KHDRBS2: variants seen among roughly 807,000 people sequenced by gnomAD.
KHDRBS2 encodes the protein KH RNA binding domain containing, signal transduction associated 2.
A neutral mutation model predicts 44.3 loss-of-function variants in KHDRBS2; 26 were observed. That is an observed-to-expected ratio of 0.59 (90% CI 0.43 to 0.81). The LOEUF (loss-of-function observed/expected upper bound fraction) is 0.81, where lower values mean the gene tolerates loss of function less well. Ranked by LOEUF, KHDRBS2 falls within the 40% of genes least tolerant of loss-of-function variation. The probability of loss-of-function intolerance (pLI) is 0.00; values close to 1 mark genes in which losing one functional copy is unlikely to be tolerated. For missense variants in KHDRBS2, 476 were observed against 433.1 expected, an observed-to-expected ratio of 1.10 and a Z score of -0.88; for synonymous variants, 194 against 151.1, an observed-to-expected ratio of 1.28 and a Z score of -2.08.
At chr6:62,089,622 A>C (rs919124040) in intron 2 of KHDRBS2, among the ~76,000 whole-genome samples, 25 of 149,412 alleles carry the variant, frequency 1.7e-4, no homozygotes, top group Non-Finnish European at 3.3e-4. Flanking sequence ...AAATCACCCA[A>C]CTTCTGCATT....
chr6:61,574,340 G>C, the KHDRBS2 span: 9 of 1,528,680 alleles, frequency 5.9e-6, no homozygotes, highest in East Asian at 4.9e-5. Flanking sequence ...GGCTCGACGA[G>C]GTTTCAGCTG....
At chr6:61,992,863 C>G (rs1250824648) in intron 3 of KHDRBS2, among the ~76,000 whole-genome samples, 1 of 152,086 alleles carries the variant, frequency 6.6e-6, no homozygotes, top group African/African-American at 2.4e-5. Flanking sequence ...CCCTTTCTAT[C>G]CTTTATTTTT....
Position 61,865,120 on chromosome 6 carries a change from G to T in KHDRBS2, c.810+29515C>A, listed in dbSNP as rs184414887. 1.5e-3 allele frequency among the ~76,000 whole-genome samples: 234 copies of T among 152,238 alleles called. 1 individual carries two copies. The highest frequency in any genetic ancestry group is 5.0e-3 in the African/African-American group (208 of 41,542). ...TGTAGTGTGTTTTTCGGCTCTGTCA[G>T]GTCAGTTATGTTCCTCTTTATACTC... On this transcript the variant is annotated intron_variant, in intron 6 of 8. Coordinates refer to ENST00000281156, the MANE Select transcript of KHDRBS2 (RefSeq NM_152688.4).
At chr6:62,015,713 G>A (rs1202724825) in intron 3 of KHDRBS2, among the ~76,000 whole-genome samples, 1 of 152,096 alleles carries the variant, frequency 6.6e-6, no homozygotes, top group East Asian at 1.9e-4. Context: ...GTTCCATATA[G>A]ATATAAAATG....
intron 6 of KHDRBS2, among the ~76,000 whole-genome samples, chr6:61,765,752 T>C (rs1779915254): frequency 6.6e-6 from 1 of 152,164 alleles, no homozygotes. Context: ...GAAAAGATCA[T>C]ATAGTTTTTG....
At chr6:62,199,774 C>T (rs1367514250) in intron 1 of KHDRBS2, among the ~76,000 whole-genome samples, 6 of 152,138 alleles carry the variant, frequency 3.9e-5, no homozygotes, top group African/African-American at 1.4e-4. Context: ...CCCGCATTGC[C>T]AAGTCAATCC....
chr6:61,731,838 C>A (rs560201108), intron 7 of KHDRBS2, among the ~76,000 whole-genome samples: 45 of 152,122 alleles, frequency 3.0e-4, no homozygotes, highest in Admixed American at 1.6e-3. Flanking sequence ...TTGTTTTACA[C>A]CTATTTTCTT....
chr6:61,760,367 T>G (rs1779097923), intron 6 of KHDRBS2, among the ~76,000 whole-genome samples: 1 of 152,206 alleles, frequency 6.6e-6, no homozygotes, highest in African/African-American at 2.4e-5. Flanking sequence ...ATGCAGTGGC[T>G]CATGCCTGCA....
At chr6:62,114,441 C>G (rs988485864) in intron 2 of KHDRBS2, among the ~76,000 whole-genome samples, 2 of 151,954 alleles carry the variant, frequency 1.3e-5, no homozygotes, top group African/African-American at 4.8e-5. Context: ...CTAAACTTTT[C>G]TGAGCCTATA....
chr6:62,266,848 A>G (rs1466446615), intron 1 of KHDRBS2, among the ~76,000 whole-genome samples: 1 of 152,074 alleles, frequency 6.6e-6, no homozygotes, highest in African/African-American at 2.4e-5. Flanking sequence ...AAAAATTTAA[A>G]TAATAGTGTA....
At chr6:61,710,390 T>C (rs1770303432) in intron 7 of KHDRBS2, among the ~76,000 whole-genome samples, 1 of 151,752 alleles carries the variant, frequency 6.6e-6, no homozygotes, top group African/African-American at 2.4e-5. Context: ...TACTTTGAAC[T>C]CAATTTTAAT....
intron 3 of KHDRBS2, among the ~76,000 whole-genome samples, chr6:62,018,830 G>C (rs1781734533): frequency 6.6e-6 from 1 of 152,226 alleles, no homozygotes; most frequent in East Asian, 1.9e-4. Flanking sequence ...ATTTTAAAAA[G>C]ATTGAAATTC....
intron 1 of KHDRBS2, among the ~76,000 whole-genome samples, chr6:62,178,667 A>G (rs1821636249): frequency 6.6e-6 from 1 of 151,568 alleles, no homozygotes; most frequent in African/African-American, 2.4e-5. Flanking sequence ...ACTATGTAAA[A>G]TAAGTGTTTT....
intron 7 of KHDRBS2, among the ~76,000 whole-genome samples, chr6:61,719,554 C>A (rs551767408): frequency 1.4e-4 from 22 of 152,114 alleles, no homozygotes; most frequent in Non-Finnish European, 2.2e-4. Context: ...TGCCTTAAGT[C>A]AAAACTTCAA....
intron 1 of KHDRBS2, among the ~76,000 whole-genome samples, chr6:62,187,556 A>G (rs774484868): frequency 1.4e-4 from 21 of 152,146 alleles, no homozygotes; most frequent in Non-Finnish European, 2.6e-4. Context: ...AATATTGAAC[A>G]TATTTTTATT....
intron 2 of KHDRBS2, among the ~76,000 whole-genome samples, chr6:62,079,921 C>T (rs1338079936): frequency 6.6e-6 from 1 of 152,012 alleles, no homozygotes; most frequent in African/African-American, 2.4e-5. Flanking sequence ...TACAGACATT[C>T]AAGCATGGAG....
At chr6:62,016,161 T>TAAGAACC (rs2127274852) in intron 3 of KHDRBS2, among the ~76,000 whole-genome samples, 1 of 152,304 alleles carries the variant, frequency 6.6e-6, no homozygotes, top group South Asian at 2.1e-4. Context: ...AGTGGTTCTA[T>TAAGAACC]AAGCTTATAC....
intron 2 of KHDRBS2, among the ~76,000 whole-genome samples, chr6:62,060,967 T>A (rs1002871664): frequency 1.7e-4 from 26 of 152,016 alleles, no homozygotes; most frequent in African/African-American, 5.5e-4. Flanking sequence ...TGGTTTAAAG[T>A]CTGTTTTATC....
intron 2 of KHDRBS2, among the ~76,000 whole-genome samples, chr6:62,109,544 A>G (rs1382993469): frequency 3.3e-5 from 5 of 152,032 alleles, no homozygotes; most frequent in East Asian, 3.8e-4. Flanking sequence ...AGAAAATCCA[A>G]TGGAATCTAT....
Sources: gnomAD v4.1 joint callset for allele counts (sites outside exome capture counted in the v4.1 genomes callset) on GRCh38, gnomAD v4.1.1 for gene constraint, MANE v1.5 for transcripts, NCBI Gene and HGNC (gene_info 2026-07-23, HGNC 2026-07-21) for gene names.